RALGPS2: variants seen among roughly 807,000 people sequenced by gnomAD.
RALGPS2 encodes ras-specific guanine nucleotide-releasing factor RalGPS2.
In RALGPS2, 43 loss-of-function variants were observed where a neutral mutation model predicts 86.8. That is an observed-to-expected ratio of 0.50 (90% CI 0.39 to 0.64). RALGPS2 has a LOEUF of 0.64. Ranked by LOEUF, RALGPS2 falls within the 30% of genes least tolerant of loss-of-function variation. The pLI, the probability that RALGPS2 is intolerant of heterozygous loss-of-function variation, is 0.00. For missense variants in RALGPS2, 536 were observed against 694.6 expected (o/e 0.77, Z 2.57); for synonymous variants, 243 against 231.3 (o/e 1.05, Z -0.46).
At chr1:178,864,883 T>G in intron 8 of RALGPS2, 1 of 1,049,218 alleles carries the variant, frequency 9.5e-7, no homozygotes, top group Non-Finnish European at 1.3e-6. Flanking sequence ...GCATTTATTA[T>G]GAGCATTGTT....
chr1:178,775,920 CAAA>C (rs535964125), intron 1 of RALGPS2, among the ~76,000 whole-genome samples: 38 of 86,596 alleles, frequency 4.4e-4, no homozygotes, highest in Non-Finnish European at 3.8e-4. Flanking sequence ...ATACTTGGGG[CAAA>C]AAAAAAAAAA....
At chr1:178,760,526 A>G (rs1037177815) in intron 1 of RALGPS2, among the ~76,000 whole-genome samples, 2 of 152,050 alleles carry the variant, frequency 1.3e-5, no homozygotes, top group Non-Finnish European at 2.9e-5. Flanking sequence ...TTCCCTTTGC[A>G]TGATCTTTCT....
At chr1:178,745,822 CTTTTTTTTTTTTTT>C (rs34277622) in intron 1 of RALGPS2, among the ~76,000 whole-genome samples, 2 of 86,052 alleles carry the variant, frequency 2.3e-5, no homozygotes, top group African/African-American at 8.1e-5. Context: ...TTCAATTCTT[CTTTTTTTTTTTTTT>C]TTTTTTTTTT....
chr1:178,848,765 T>TG (rs1656995974), intron 8 of RALGPS2, among the ~76,000 whole-genome samples: 1 of 152,214 alleles, frequency 6.6e-6, no homozygotes, highest in South Asian at 2.1e-4. Flanking sequence ...CCCGAGTAGC[T>TG]GGGTTTACAG....
chr1:178,745,345 G>A (rs185133815), intron 1 of RALGPS2, among the ~76,000 whole-genome samples: 169 of 152,292 alleles, frequency 1.1e-3, no homozygotes, highest in Non-Finnish European at 1.1e-3. Flanking sequence ...GAAGAACAAA[G>A]TTGGAGGTCT....
At chr1:178,773,164 A>C (rs1410986032) in intron 1 of RALGPS2, among the ~76,000 whole-genome samples, 1 of 152,186 alleles carries the variant, frequency 6.6e-6, no homozygotes, top group African/African-American at 2.4e-5. Context: ...ATGATGATGT[A>C]ATAGTGATAC....
At chr1:178,856,196 GAGAGAGATATATATATAT>G (rs1237209680) in intron 8 of RALGPS2, among the ~76,000 whole-genome samples, 1 of 41,054 alleles carries the variant, frequency 2.4e-5, no homozygotes, top group Non-Finnish European at 5.1e-5. Context: ...TTTCCAGAGA[GAGAGAGATATATATATAT>G]ATATATATAT....
intron 1 of RALGPS2, among the ~76,000 whole-genome samples, chr1:178,774,625 C>G (rs1652987925): frequency 6.6e-6 from 1 of 152,086 alleles, no homozygotes. Context: ...TAAGTTGATT[C>G]TTAATACTAT....
chr1:178,885,019 T>C (rs1460857979), intron 11 of RALGPS2, 57 bp from the exon 12 acceptor site: 1 of 1,479,558 alleles, frequency 6.8e-7, no homozygotes, highest in African/African-American at 1.4e-5. Context: ...ATATTTTCTT[T>C]CAAGGGACTG....
chr1:178,892,448 C>T, intron 15 of RALGPS2, 141 bp downstream of exon 15: 1 of 682,668 alleles, frequency 1.5e-6, no homozygotes. Flanking sequence ...GAAAAACTTT[C>T]TTTCCAAGAT....
intron 2 of RALGPS2, among the ~76,000 whole-genome samples, chr1:178,783,372 G>A (rs993215494): frequency 1.3e-5 from 2 of 152,150 alleles, no homozygotes; most frequent in African/African-American, 4.8e-5. Context: ...AGGACTGTAG[G>A]ACAGTGACAA....
At chr1:178,777,977 G>T (rs1653181814) in intron 2 of RALGPS2, among the ~76,000 whole-genome samples, 1 of 143,904 alleles carries the variant, frequency 6.9e-6, no homozygotes, top group South Asian at 2.3e-4. Flanking sequence ...CAGGACATAG[G>T]CATGGGCAAG....
chr1:178,913,954 A>G (rs967240855), intron 19 of RALGPS2, among the ~76,000 whole-genome samples: 4 of 152,166 alleles, frequency 2.6e-5, no homozygotes, highest in African/African-American at 9.6e-5. Flanking sequence ...TTCTGGCAGG[A>G]TGGTGGGGGC....
intron 18 of RALGPS2, 54 bp downstream of exon 18, chr1:178,902,265 T>C (rs1660209732): frequency 3.1e-6 from 4 of 1,288,896 alleles, no homozygotes; most frequent in South Asian, 1.2e-5. Flanking sequence ...TTTGTGTATA[T>C]GTATGTATGT....
At chr1:178,859,401 CTTTTT>C (rs543947031) in intron 8 of RALGPS2, among the ~76,000 whole-genome samples, 1 of 122,898 alleles carries the variant, frequency 8.1e-6, no homozygotes, top group African/African-American at 3.1e-5. Context: ...CCAAGTTTAA[CTTTTT>C]TTTTTTTTTT....
At chr1:178,850,016 A>C (rs1657070887) in intron 8 of RALGPS2, 1 of 152,702 alleles carries the variant, frequency 6.5e-6, no homozygotes, top group Non-Finnish European at 1.5e-5. Flanking sequence ...TGTTGATTGC[A>C]AAGATGAGTT....
At chr1:178,728,265 A>G (rs940335084) in intron 1 of RALGPS2, among the ~76,000 whole-genome samples, 1 of 152,188 alleles carries the variant, frequency 6.6e-6, no homozygotes, top group Admixed American at 6.5e-5. Context: ...GAGTGAACCA[A>G]TTCCTTGATA....
At chr1:178,862,169 G>A (rs532902817) in intron 8 of RALGPS2, among the ~76,000 whole-genome samples, 19 of 152,038 alleles carry the variant, frequency 1.2e-4, no homozygotes, top group South Asian at 6.2e-4. Flanking sequence ...CACCATGCCC[G>A]GCGAGGATAT....
intron 4 of RALGPS2, among the ~76,000 whole-genome samples, chr1:178,788,845 CTTTTCTT>C (rs138629544): frequency 3.5e-5 from 1 of 28,440 alleles, no homozygotes; most frequent in Non-Finnish European, 7.4e-5. Context: ...TTCTTTCTTT[CTTTTCTT>C]TTCTTTTCTT....
Sources: gnomAD v4.1 joint callset for allele counts (sites outside exome capture counted in the v4.1 genomes callset) on GRCh38, gnomAD v4.1.1 for gene constraint, MANE v1.5 for transcripts, NCBI Gene and HGNC (gene_info 2026-07-23, HGNC 2026-07-21) for gene names.